The following HDAC9 variants were observed in gnomAD, a reference collection of about 807,000 sequenced individuals.
HDAC9 encodes the protein histone deacetylase 9.
In HDAC9, 41 loss-of-function variants were observed where a neutral mutation model predicts 139.4. That is an observed-to-expected ratio of 0.29 (90% confidence interval 0.23 to 0.38). HDAC9 has a LOEUF of 0.38. Among genes scored for constraint, HDAC9 ranks in the 10% least tolerant of loss-of-function variants. The pLI is 1.00. For missense variants in HDAC9, 1,147 were observed against 1,297.0 expected, an observed-to-expected ratio of 0.88 and a Z score of 1.78; for synonymous variants, 517 against 476.2, an observed-to-expected ratio of 1.09 and a Z score of -1.12.
chr7:18,765,335 T>G (rs953416335), intron 15 of HDAC9, among the ~76,000 whole-genome samples: 4 of 152,102 alleles, frequency 2.6e-5, no homozygotes, highest in African/African-American at 9.7e-5. Context: ...AAAAATTAAT[T>G]TATTGGCTGG....
chr7:18,785,534 T>A (rs1791638813), intron 16 of HDAC9, among the ~76,000 whole-genome samples: 1 of 151,996 alleles, frequency 6.6e-6, no homozygotes. Flanking sequence ...CAAGAAAAGC[T>A]CAACTCTTCT....
At chr7:18,327,469 C>T (rs946747944) in intron 1 of HDAC9, 2 of 151,732 alleles carry the variant, frequency 1.3e-5, no homozygotes, top group Non-Finnish European at 2.9e-5. Flanking sequence ...TGCATAGATT[C>T]AACCTACTAT....
intron 1 of HDAC9, among the ~76,000 whole-genome samples, chr7:18,411,507 TG>T (rs757584193): frequency 1.3e-5 from 2 of 152,134 alleles, no homozygotes; most frequent in Non-Finnish European, 2.9e-5. Context: ...CGCATGTAGC[TG>T]GGGCTACAGG....
intron 22 of HDAC9, among the ~76,000 whole-genome samples, chr7:18,892,931 T>A (rs946989599): frequency 2.7e-5 from 4 of 148,242 alleles, no homozygotes. Context: ...TGTCAGATCA[T>A]TTTTTTTTCC....
At chr7:18,120,265 A>G (rs1356424165) in intron 1 of HDAC9, among the ~76,000 whole-genome samples, 2 of 152,194 alleles carry the variant, frequency 1.3e-5, no homozygotes, top group Non-Finnish European at 2.9e-5. Flanking sequence ...GCCCCCCACA[A>G]CAAAGAATTA....
chr7:18,988,377 G>A lies in HDAC9; in HGVS notation c.3171-7646G>A, dbSNP rs545561668. On this transcript the variant is annotated intron_variant, in intron 25 of 25. Coordinates refer to ENST00000686413, the MANE Select transcript of HDAC9 (RefSeq NM_178425.4). ...TTTCCATGTAGTTGAGCGGTTTTGA[G>A]TGAGCTTCTTAATCCTGAGTTCTAG... Among the ~76,000 whole-genome samples the A allele has an allele frequency of 2.3e-3, 347 of 152,148 alleles. 2 individuals carry two copies. Among genetic ancestry groups the A allele is most frequent in the African/African-American group, 7.9e-3 (329 of 41,482 alleles).
intron 2 of HDAC9, among the ~76,000 whole-genome samples, chr7:18,255,682 G>A (rs1283555019): frequency 2.4e-4 from 35 of 144,250 alleles, no homozygotes; most frequent in Non-Finnish European, 4.9e-4. Flanking sequence ...AGGCGGGCGC[G>A]CGGTGACGTG....
At chr7:18,352,350 A>G (rs1179077194) in intron 1 of HDAC9, among the ~76,000 whole-genome samples, 2 of 152,216 alleles carry the variant, frequency 1.3e-5, no homozygotes, top group African/African-American at 4.8e-5. Flanking sequence ...TATTCTGCTT[A>G]GAGGGAAACA....
At position 18,249,366 on chromosome 7, in the gene HDAC9, G is replaced by T. The variant is rs1308818638; in HGVS notation, c.25+87017G>T. On this transcript the variant is annotated intron_variant, in intron 2 of 12. Coordinates refer to the HDAC9 transcript ENST00000417496. ...CAAAATACAAAAAATAGCTGGGTGT[G>T]GTGGCACGTGTCTGTAATCCCAGCT... Among the ~76,000 whole-genome samples, 8 of 151,906 alleles carry T rather than the reference G, an allele frequency of 5.3e-5. 1 individual carries two copies. The highest frequency in any genetic ancestry group is 3.4e-3 in the Middle Eastern group (1 of 294).
rs1344080745 is a variant in HDAC9 at position 18,585,379 on chromosome 7, G to T, written c.121G>T (p.Val41Phe). 22 of 1,613,740 alleles carry T rather than the reference G, an allele frequency of 1.4e-5. No homozygotes were observed. The highest frequency in any genetic ancestry group is 1.7e-5 in the Non-Finnish European group (20 of 1,179,900). Residue 41 changes from valine (V) to phenylalanine (F), a missense_variant, in exon 3 of 26, where the codon GTC becomes TTC. Val to Phe is a conservative substitution (Grantham distance 50). Transcript: ENST00000686413. ...RMMMPVVDPV[V>F]REKQLQQELL... ...GATGATGCCCGTGGTGGACCCTGTT[G>T]TCCGTGAGAAGCAATTGCAGCAGGA...
chr7:18,637,075 T>A (rs1017206499), intron 8 of HDAC9, among the ~76,000 whole-genome samples: 13 of 152,102 alleles, frequency 8.5e-5, no homozygotes, highest in African/African-American at 3.1e-4. Flanking sequence ...CATTGCAATG[T>A]TTCAGAAGAC....
At chr7:18,268,326 A>G (rs901341223) in intron 2 of HDAC9, among the ~76,000 whole-genome samples, 4 of 152,138 alleles carry the variant, frequency 2.6e-5, no homozygotes, top group Non-Finnish European at 5.9e-5. Flanking sequence ...TTTGATGGCT[A>G]TATCTTATTT....
At chr7:18,305,983 C>T (rs111781958) in intron 1 of HDAC9, among the ~76,000 whole-genome samples, 2,979 of 152,192 alleles carry the variant, frequency 0.02, 97 homozygotes, top group African/African-American at 0.068. Context: ...CCGCCCTCAG[C>T]AATTCACTCC....
chr7:18,115,087 C>G (rs757078084), intron 1 of HDAC9, among the ~76,000 whole-genome samples: 1 of 152,064 alleles, frequency 6.6e-6, no homozygotes, highest in East Asian at 1.9e-4. Context: ...GTCAGGAGAT[C>G]GAGACCATCG....
At chr7:18,823,595 T>C (rs1348648668) in intron 17 of HDAC9, among the ~76,000 whole-genome samples, 1 of 152,146 alleles carries the variant, frequency 6.6e-6, no homozygotes, top group East Asian at 1.9e-4. Context: ...TAATCTCCAG[T>C]GTGACTGTAT....
Position 18,276,161 on chromosome 7 carries a change from T to C in HDAC9, c.25+113812T>C, listed in dbSNP as rs79279390. ...TAATTGCAATCATAGTATACATTTT[T>C]ATCAGATTTTATATCTATTCTTATA... On this transcript the variant is annotated intron_variant, in intron 2 of 12. Transcript: ENST00000417496. 3.3e-3 allele frequency among the ~76,000 whole-genome samples: 502 copies of C among 152,364 alleles called. 4 individuals are homozygous for C. Among genetic ancestry groups the C allele is most frequent in the African/African-American group, 0.012 (492 of 41,582 alleles).
intron 23 of HDAC9, among the ~76,000 whole-genome samples, chr7:18,941,389 A>G (rs1389263178): frequency 1.3e-5 from 2 of 152,166 alleles, no homozygotes; most frequent in African/African-American, 4.8e-5. Context: ...GTTTTGCTCT[A>G]AAGCTGCTGA....
intron 11 of HDAC9, among the ~76,000 whole-genome samples, chr7:18,661,198 G>T (rs1273855008): frequency 1.8e-4 from 27 of 152,086 alleles, no homozygotes; most frequent in Admixed American, 1.8e-3. Context: ...CAAATTAAAT[G>T]AAAAAGATGA....
chr7:18,740,617 A>T (rs955508884), intron 13 of HDAC9, among the ~76,000 whole-genome samples: 17 of 152,140 alleles, frequency 1.1e-4, no homozygotes, highest in Admixed American at 9.2e-4. Flanking sequence ...CCACAGTCCA[A>T]TTAGGCCAAT....
Sources: allele counts gnomAD v4.1 joint callset (sites outside exome capture counted in the v4.1 genomes callset), GRCh38; gene constraint gnomAD v4.1.1; transcripts MANE v1.5; gene names NCBI Gene and HGNC (gene_info 2026-07-23, HGNC 2026-07-21).